SLC2A13: variants seen among roughly 807,000 people sequenced by gnomAD.
SLC2A13 encodes the protein proton myo-inositol cotransporter.
SLC2A13 carries 32 observed loss-of-function variants against 64.4 expected under a neutral mutation model. The observed-to-expected ratio is 0.50, with a 90% CI of 0.37 to 0.67. The LOEUF (loss-of-function observed/expected upper bound fraction) is 0.67. SLC2A13 is among the 30% of genes least tolerant of loss of function. The probability of loss-of-function intolerance (pLI) is 0.00; values close to 1 mark genes in which losing one functional copy is unlikely to be tolerated. For missense variants in SLC2A13, 743 were observed against 829.2 expected (o/e 0.90, Z 1.28); for synonymous variants, 338 against 327.1 (o/e 1.03, Z -0.36).
At chr12:39,956,156 A>G (rs1294047188) in intron 3 of SLC2A13, among the ~76,000 whole-genome samples, 1 of 152,194 alleles carries the variant, frequency 6.6e-6, no homozygotes, top group Non-Finnish European at 1.5e-5. Context: ...TAAAAGATAC[A>G]ATCTTCCAAA....
At chr12:40,066,310 T>C (rs1937724648) in intron 1 of SLC2A13, among the ~76,000 whole-genome samples, 1 of 152,178 alleles carries the variant, frequency 6.6e-6, no homozygotes, top group Non-Finnish European at 1.5e-5. Context: ...AACCCACACA[T>C]ATTCTTGCTA....
rs368638486 is a variant in SLC2A13 at position 40,080,139 on chromosome 12, G to A, written c.556+25114C>T. The stretch of plus-strand genomic sequence containing the variant: ...GGCCTCCCAAAGTGCTGGGATTACC[G>A]GTGTGAGCCACCGCACCTGGGTTCT... On this transcript the variant is annotated intron_variant, in intron 1 of 9. Coordinates refer to ENST00000280871, the MANE Select transcript of SLC2A13 (RefSeq NM_052885.4). Among the ~76,000 whole-genome samples, 25 of 152,256 alleles carry A rather than the reference G, an allele frequency of 1.6e-4. No homozygotes were observed. The South Asian group carries it at 4.8e-3, about 29-fold the overall frequency.
chr12:40,050,298 G>T (rs954921244), intron 1 of SLC2A13, among the ~76,000 whole-genome samples: 4 of 152,156 alleles, frequency 2.6e-5, no homozygotes, highest in African/African-American at 9.7e-5. Context: ...TGTAGCCCCA[G>T]ATTTGAGCAT....
At chr12:40,038,073 C>A (rs1477110985) in intron 2 of SLC2A13, among the ~76,000 whole-genome samples, 2 of 152,190 alleles carry the variant, frequency 1.3e-5, no homozygotes, top group African/African-American at 4.8e-5. Context: ...AGCTTCTTAA[C>A]ATGAAACTTA....
At chr12:39,760,343 G>T in intron 9 of SLC2A13, 91 bp from the exon 10 acceptor site, 3 of 1,185,538 alleles carry the variant, frequency 2.5e-6, no homozygotes, top group Non-Finnish European at 3.5e-6. Context: ...TTTTTTTCTG[G>T]TCAGTCATGC....
chr12:39,824,404 G>A (rs1942610211), intron 7 of SLC2A13, among the ~76,000 whole-genome samples: 1 of 152,152 alleles, frequency 6.6e-6, no homozygotes, highest in African/African-American at 2.4e-5. Context: ...ATTCAATCAG[G>A]GGTCAGATGA....
chr12:39,820,460 A>C (rs981681769), intron 7 of SLC2A13, among the ~76,000 whole-genome samples: 4 of 152,160 alleles, frequency 2.6e-5, no homozygotes, highest in Admixed American at 1.3e-4. Flanking sequence ...CAAACTACAC[A>C]AGTTGTAAAC....
intron 3 of SLC2A13, among the ~76,000 whole-genome samples, chr12:40,003,168 TAA>T (rs1042837578): frequency 1.8e-4 from 28 of 152,196 alleles, no homozygotes; most frequent in African/African-American, 6.3e-4. Flanking sequence ...CTATGTAAAT[TAA>T]AACAGTTATA....
At chr12:39,793,527 T>C (rs547453002) in intron 7 of SLC2A13, among the ~76,000 whole-genome samples, 2 of 152,158 alleles carry the variant, frequency 1.3e-5, no homozygotes, top group South Asian at 2.1e-4. Context: ...GCCTCCTGAG[T>C]GGGGGTACTT....
intron 1 of SLC2A13, among the ~76,000 whole-genome samples, chr12:40,081,741 G>C (rs368182603): frequency 4.6e-5 from 7 of 152,326 alleles, no homozygotes; most frequent in Middle Eastern, 3.4e-3. Context: ...TTGGAGGTAA[G>C]ATGACACTCT....
chr12:39,982,983 T>C (rs1057208797), intron 3 of SLC2A13, among the ~76,000 whole-genome samples: 2 of 142,988 alleles, frequency 1.4e-5, no homozygotes, highest in Non-Finnish European at 3.1e-5. Context: ...AACAGAGATA[T>C]AGATCAATGG....
intron 3 of SLC2A13, among the ~76,000 whole-genome samples, chr12:40,021,850 T>C (rs1947725445): frequency 6.6e-6 from 1 of 152,214 alleles, no homozygotes; most frequent in Non-Finnish European, 1.5e-5. Flanking sequence ...AGTGTCATTA[T>C]GCTGAAATTG....
At chr12:40,090,174 A>G (rs1209989311) in intron 1 of SLC2A13, among the ~76,000 whole-genome samples, 1 of 152,176 alleles carries the variant, frequency 6.6e-6, no homozygotes, top group Non-Finnish European at 1.5e-5. Context: ...GGAAAAACAA[A>G]AGAGATTAGT....
At chr12:39,870,263 TA>T (rs1032873572) in intron 5 of SLC2A13, among the ~76,000 whole-genome samples, 1 of 152,122 alleles carries the variant, frequency 6.6e-6, no homozygotes, top group Non-Finnish European at 1.5e-5. Flanking sequence ...TGTCATCCAT[TA>T]AAAATATTTA....
Position 40,106,027 on chromosome 12 carries a change from G to C in SLC2A13, c.-219C>G, listed in dbSNP as rs1442142763. ...GACGCTGCGGAGTTGGAGCCCGGCG[G>C]GTCTCACTCCACACTCACGCCCCGC... On this transcript the variant is annotated 5_prime_UTR_variant, in exon 1 of 10. Transcript: ENST00000280871. 6.4e-6 allele frequency: 3 copies of C among 470,268 alleles called. No homozygotes were observed. Among genetic ancestry groups the C allele is most frequent in the Non-Finnish European group, 6.9e-6 (2 of 288,104 alleles). The allele number at this position is 470,268 out of a possible 1,614,324, so 29.1% of individuals were successfully genotyped here. A position where few individuals can be genotyped will look rare whatever the true frequency, so the allele number is the denominator to read the frequency against.
chr12:39,896,559 T>C (rs115542095), intron 4 of SLC2A13, among the ~76,000 whole-genome samples: 4,004 of 124,432 alleles, frequency 0.032, 252 homozygotes, highest in African/African-American at 0.11. Context: ...TATACATGTA[T>C]ACATATATGT....
rs764158723 is a variant in SLC2A13, at chr12:39,864,756, T to G, written c.1319+6A>C. ...GTAAAGGAAGAAGAACATAATGGAA[T>G]CTCACCTGTATCTTGTGCAAGTGGC... On this transcript the variant is annotated splice_donor_region_variant and intron_variant, in intron 6 of 9. Transcript: ENST00000280871. 5.6e-6 allele frequency: 9 copies of G among 1,612,472 alleles called. No individual in the cohort carries two copies. In the South Asian group the frequency reaches 9.9e-5, roughly 18 times the overall value.
intron 6 of SLC2A13, among the ~76,000 whole-genome samples, chr12:39,857,974 A>G (rs886730138): frequency 6.6e-6 from 1 of 152,214 alleles, no homozygotes; most frequent in Non-Finnish European, 1.5e-5. Context: ...AAAACAAAAC[A>G]AAAAACCAAG....
At chr12:39,950,504 GT>G (rs1489439240) in intron 4 of SLC2A13, 1 of 152,132 alleles carries the variant, frequency 6.6e-6, no homozygotes. Context: ...CCTTATCATA[GT>G]TTGAAATCTT....
Sources: gnomAD v4.1 joint callset for allele counts (sites outside exome capture counted in the v4.1 genomes callset) on GRCh38, gnomAD v4.1.1 for gene constraint, MANE v1.5 for transcripts, NCBI Gene and HGNC (gene_info 2026-07-23, HGNC 2026-07-21) for gene names.